The following ELN variants were observed in gnomAD, a reference collection of about 807,000 sequenced individuals.
ELN encodes the protein tropoelastin.
A neutral mutation model predicts 105.8 loss-of-function variants in ELN; 65 were observed. That is an observed-to-expected ratio of 0.61 (90% confidence interval 0.50 to 0.75). The LOEUF (loss-of-function observed/expected upper bound fraction) is 0.75. ELN is among the 30% of genes least tolerant of loss of function. ELN has a pLI of 0.00. For synonymous variants in ELN, 368 were observed against 389.2 expected (o/e 0.95, Z 0.64); for missense variants, 882 against 969.4 (o/e 0.91, Z 1.20).
chr7:74,061,282 C>G lies in ELN; in HGVS notation c.1786+143C>G, dbSNP rs534519999. 6 of 1,007,668 alleles carry G rather than the reference C, an allele frequency of 6.0e-6. No individual in the cohort carries two copies. The African/African-American group carries it at 9.6e-5, about 16-fold the overall frequency. 62.4% of individuals were successfully genotyped at this position (1,007,668 alleles called of 1,614,324 possible). On this transcript the variant is annotated intron_variant, in intron 26 of 32. Transcript: ENST00000252034. The stretch of plus-strand genomic sequence containing the variant: ...CTGTAATCCCAGCACTTTGGGAGGC[C>G]GAGGCAGGCAGATCACCTGAGGTCA...
chr7:74,038,097 G>A (rs1248849254), intron 4 of ELN: 1 of 364,114 alleles, frequency 2.7e-6, no homozygotes, highest in African/African-American at 2.1e-5. Flanking sequence ...TGGCCTCCAA[G>A]CCTTACATGA....
intron 5 of ELN, 115 bp downstream of exon 5, chr7:74,041,366 G>A (rs1791180158): frequency 7.4e-7 from 1 of 1,342,460 alleles, no homozygotes. Flanking sequence ...TTCCGTCCTG[G>A]GCACTGACGG....
chr7:74,066,278 G>A (rs1274814499), intron 31 of ELN, among the ~76,000 whole-genome samples: 2 of 152,192 alleles, frequency 1.3e-5, no homozygotes, highest in Non-Finnish European at 2.9e-5. Context: ...CTGTAGTGAG[G>A]GGGATTGGCT....
Position 74,043,656 on chromosome 7 carries a change from G to C in ELN, c.428-223G>C, listed in dbSNP as rs764129161. On this transcript the variant is annotated intron_variant, in intron 8 of 32. Coordinates refer to ENST00000252034, the MANE Select transcript of ELN (RefSeq NM_000501.4). The stretch of plus-strand genomic sequence containing the variant: ...TGGGCTGGCCCAGCCATGTAAACAG[G>C]CTCCAGGAGACGGAGATAAATCCAC... 649 of 659,508 alleles carry C rather than the reference G, an allele frequency of 9.8e-4. 2 individuals carry two copies. The highest frequency in any genetic ancestry group is 1.4e-3 in the Non-Finnish European group (517 of 367,974). The allele number at this position is 659,508 out of a possible 1,614,324, so 40.9% of individuals were successfully genotyped here. A position where few individuals can be genotyped will look rare whatever the true frequency, so the allele number is the denominator to read the frequency against.
At position 74,068,970 on chromosome 7, in the gene ELN, C is replaced by T; in HGVS notation, c.*270C>T. The T allele has an allele frequency of 3.7e-6, 2 of 538,638 alleles. No homozygotes were observed. Among genetic ancestry groups the T allele is most frequent in the South Asian group, 4.1e-5 (2 of 49,060 alleles). The allele number at this position is 538,638 out of a possible 1,614,324, so 33.4% of individuals were successfully genotyped here. A position where few individuals can be genotyped will look rare whatever the true frequency, so the allele number is the denominator to read the frequency against. On this transcript the variant is annotated 3_prime_UTR_variant, in exon 33 of 33. Coordinates refer to ENST00000252034, the MANE Select transcript of ELN (RefSeq NM_000501.4). Reference sequence around the variant, plus strand: ...CCTTCCCACCTAGGAGCTCCCCCTCCACACAGCCTCCATCTCCAGGGGAAC... The same window carrying T: ...CCTTCCCACCTAGGAGCTCCCCCTCTACACAGCCTCCATCTCCAGGGGAAC...
Position 74,028,268 on chromosome 7 carries a change from A to C in ELN, c.81A>C (p.Gly27=), listed in dbSNP as rs1554660140. The C allele has an allele frequency of 6.2e-7, 1 of 1,606,694 alleles. No individual in the cohort carries two copies. ...LLSILHPSRP[G]GVPGAIPGGV... ...CCATCCTCCACCCCTCTCGGCCTGG[A>C]GGTAAGGACCCCTCGCCCCTGTCCC... The change falls in exon 1 of 33, where the codon GGA becomes GGC. Residue 27 remains glycine (G), a splice_region_variant and synonymous_variant. Transcript: ENST00000252034.
At chr7:74,057,406 G>A in intron 21 of ELN, 2 of 1,511,518 alleles carry the variant, frequency 1.3e-6, no homozygotes, top group Non-Finnish European at 1.8e-6. Context: ...GGAGTGCTGG[G>A]TGGGCTAGTG....
chr7:74,028,352 A>G lies in ELN; in HGVS notation c.82+83A>G. The stretch of plus-strand genomic sequence containing the variant: ...AGGTGACTAGACGCTCAAGGGGGAG[A>G]CCTTCGTCCCTGGGAACTGCAAGGG... On this transcript the variant is annotated intron_variant, in intron 1 of 32. Transcript: ENST00000252034. The G allele has an allele frequency of 2.0e-6, 3 of 1,480,862 alleles. 1 individual carries two copies. The highest frequency in any genetic ancestry group is 2.7e-6 in the Non-Finnish European group (3 of 1,094,668). The allele number at this position is 1,480,862 out of a possible 1,614,324, so 91.7% of individuals were successfully genotyped here.
At chr7:74,038,857 GC>G (rs1287259102) in intron 4 of ELN, among the ~76,000 whole-genome samples, 2 of 152,256 alleles carry the variant, frequency 1.3e-5, no homozygotes, top group African/African-American at 2.4e-5. Context: ...CAGGGCTGGA[GC>G]CAGGAGAGGC....
In ELN at chr7:74,063,061, C is replaced by A; in HGVS notation, c.1787-92C>A. 6.8e-7 allele frequency: 1 copy of A among 1,474,510 alleles called. No homozygotes were observed. The allele number at this position is 1,474,510 out of a possible 1,614,324, so 91.3% of individuals were successfully genotyped here. A position where few individuals can be genotyped will look rare whatever the true frequency, so the allele number is the denominator to read the frequency against. ...ACTGCTCCTCCACAGTGTCACATGGCCCCTGCCACCTGTCTGCTTGCCTTG... is the reference window on the plus strand; with the variant it reads ...ACTGCTCCTCCACAGTGTCACATGGACCCTGCCACCTGTCTGCTTGCCTTG... On this transcript the variant is annotated intron_variant, in intron 26 of 32. Transcript: ENST00000252034. The surrounding 1 kb of genome is among the most constrained non-coding windows in gnomAD (Gnocchi z 4.1).
rs368993919 is a variant in ELN at position 74,066,773 on chromosome 7, C to G, written c.2128C>G (p.Pro710Ala). 5.0e-6 allele frequency: 8 copies of G among 1,613,302 alleles called. No homozygotes were observed. Among genetic ancestry groups the G allele is most frequent in the Non-Finnish European group, 6.8e-6 (8 of 1,179,502 alleles). Residue 710 changes from proline to alanine, a missense_variant, in exon 32 of 33, where the codon CCA (proline) becomes GCA (alanine). By Grantham distance (27) the Pro-to-Ala change is conservative (BLOSUM62 -1). Coordinates refer to ENST00000252034, the MANE Select transcript of ELN (RefSeq NM_000501.4). ...TGGCTTCGGATTGTCTCCCATTTTC[C>G]CAGGTATGCCAGGCTCCCTGCCCCT... ...RPGFGLSPIF[P>A]GGACLGKACG...
At chr7:74,055,868 G>C (rs111403727) in intron 19 of ELN, among the ~76,000 whole-genome samples, 5,028 of 151,792 alleles carry the variant, frequency 0.033, 131 homozygotes, top group Middle Eastern at 0.068. Flanking sequence ...CTCACTGCAA[G>C]CTCCACCTTC....
chr7:74,046,061 G>T (rs1185654080), intron 10 of ELN, 127 bp from the exon 11 acceptor site: 5 of 1,315,998 alleles, frequency 3.8e-6, no homozygotes, highest in African/African-American at 1.5e-5. Flanking sequence ...CAGAGTTCAT[G>T]TGAGCGCAGC....
intron 11 of ELN, 22 bp from the exon 12 acceptor site, chr7:74,046,674 C>T (rs781969643): frequency 1.1e-5 from 17 of 1,613,946 alleles, no homozygotes; most frequent in Admixed American, 1.7e-5. Flanking sequence ...GGGACCTGAA[C>T]TTGCTCTCTT....
Position 74,046,230 on chromosome 7 carries a change from T to C in ELN, c.571+13T>C. On this transcript the variant is annotated intron_variant, in intron 11 of 32. Coordinates refer to ENST00000252034, the MANE Select transcript of ELN (RefSeq NM_000501.4). The stretch of plus-strand genomic sequence containing the variant: ...GCTGGAATCCCAGGTGAGGCAAGGC[T>C]GGTGGGAGAAGCAGGGTGGCCAGCC... 1 of 1,614,188 alleles carries C rather than the reference T, an allele frequency of 6.2e-7. No homozygotes were observed. Among genetic ancestry groups the C allele is most frequent in the Non-Finnish European group, 8.5e-7 (1 of 1,180,024 alleles).
At chr7:74,047,249 A>G (rs1792790932) in intron 12 of ELN, among the ~76,000 whole-genome samples, 1 of 152,112 alleles carries the variant, frequency 6.6e-6, no homozygotes, top group African/African-American at 2.4e-5. Flanking sequence ...TATTGAACTC[A>G]CACACACACG....
intron 32 of ELN, among the ~76,000 whole-genome samples, chr7:74,067,960 A>AAAAAC: frequency 6.7e-6 from 1 of 148,780 alleles, no homozygotes; most frequent in Non-Finnish European, 1.5e-5. Flanking sequence ...AAAAAAAAAA[A>AAAAAC]CCTTCAGAGG....
chr7:74,057,431 C>T lies in ELN; in HGVS notation c.1358-209C>T, dbSNP rs569004868. The T allele has an allele frequency of 3.2e-5, 48 of 1,523,110 alleles. No homozygotes were observed. Among genetic ancestry groups the T allele is most frequent in the African/African-American group, 2.5e-4 (18 of 72,260 alleles). The allele number at this position is 1,523,110 out of a possible 1,614,324, so 94.3% of individuals were successfully genotyped here. A position where few individuals can be genotyped will look rare whatever the true frequency, so the allele number is the denominator to read the frequency against. ...GTGGGCTAGTGCCAGGTGCCCCAGG[C>T]GCAGTCCCAGGTGTGCCGGGCACGG... On this transcript the variant is annotated intron_variant, in intron 21 of 32. Transcript: ENST00000252034.
Position 74,048,509 on chromosome 7 carries a change from G to T in ELN, c.752G>T (p.Gly251Val), listed in dbSNP as rs782225578. Reference sequence around the variant, plus strand: ...CTCTGCTTCCTTCCCCCAGGGGTTGGCCCCCAGGCAGCAGCAGCAGCGGCA... The same window carrying T: ...CTCTGCTTCCTTCCCCCAGGGGTTGTCCCCCAGGCAGCAGCAGCAGCGGCA... ...KAGYPTGTGV[G>V]PQAAAAAAAK... Residue 251 changes from glycine (G) to valine (V), a missense_variant, in exon 15 of 33, where the codon GGC becomes GTC. Transcript: ENST00000252034. The T allele has an allele frequency of 6.2e-7, 1 of 1,613,972 alleles. No individual in the cohort carries two copies. The highest frequency in any genetic ancestry group is 8.5e-7 in the Non-Finnish European group (1 of 1,179,928).
Sources: gnomAD v4.1 joint callset for allele counts (sites outside exome capture counted in the v4.1 genomes callset) on GRCh38, gnomAD v4.1.1 for gene constraint, Gnocchi (gnomAD v3.1) non-coding constraint, MANE v1.5 for transcripts, NCBI Gene and HGNC (gene_info 2026-07-23, HGNC 2026-07-21) for gene names.